Variants in FGFR1 observed in about 807,000 individuals in gnomAD.
The protein encoded by FGFR1 is FGFR1/PLAG1 fusion.
FGFR1 carries 18 observed loss-of-function variants against 93.7 expected under a neutral mutation model. The observed-to-expected ratio is 0.19, with a 90% CI of 0.13 to 0.28. The LOEUF is 0.28. Ranked by LOEUF, FGFR1 falls within the 10% of genes least tolerant of loss-of-function variation. The probability of loss-of-function intolerance (pLI) is 1.00; values close to 1 mark genes in which losing one functional copy is unlikely to be tolerated. For synonymous variants in FGFR1, 448 were observed against 429.3 expected, an observed-to-expected ratio of 1.04 and a Z score of -0.54; for missense variants, 731 against 1,080.4, an observed-to-expected ratio of 0.68 and a Z score of 4.53.
intron 2 of FGFR1, among the ~76,000 whole-genome samples, chr8:38,454,856 C>G (rs1832280121): frequency 6.6e-6 from 1 of 152,174 alleles, no homozygotes; most frequent in Admixed American, 6.6e-5. Context: ...TCTTTCCTCC[C>G]AGCCATCCAC....
chr8:38,416,142 C>G (rs996794077), intron 12 of FGFR1, 82 bp from the exon 13 acceptor site: 1 of 1,263,530 alleles, frequency 7.9e-7, no homozygotes, highest in Non-Finnish European at 1.1e-6. Context: ...CCACCCCCAG[C>G]AGCACACCCC....
rs370696584 is a variant in FGFR1, at chr8:38,431,419, C to T, written c.92-1471G>A. 4.7e-4 allele frequency among the ~76,000 whole-genome samples: 72 copies of T among 152,336 alleles called. 1 individual carries two copies. The South Asian group carries it at 0.014, about 30-fold the overall frequency. ...TAAATCCCCAGCACCTACTACGATG[C>T]CTGGCGCCCAGGAGTTGCTCAAGAA... On this transcript the variant is annotated intron_variant, in intron 2 of 17. Coordinates refer to ENST00000447712, the MANE Select transcript of FGFR1 (RefSeq NM_023110.3).
intron 8 of FGFR1, chr8:38,421,584 T>C: frequency 1.6e-6 from 1 of 638,310 alleles, no homozygotes. Flanking sequence ...GGTGTACGGG[T>C]GGGAGGCCTC....
intron 2 of FGFR1, among the ~76,000 whole-genome samples, chr8:38,444,594 G>A (rs1258944243): frequency 7.1e-5 from 8 of 113,308 alleles, no homozygotes; most frequent in African/African-American, 9.8e-5. Flanking sequence ...GTTTTACCAT[G>A]TTGGCCAGGC....
intron 2 of FGFR1, among the ~76,000 whole-genome samples, chr8:38,436,091 C>T (rs149271805): frequency 5.3e-5 from 8 of 152,234 alleles, no homozygotes; most frequent in Non-Finnish European, 8.8e-5. Flanking sequence ...CAGTGCATTG[C>T]GGACTGGGTG....
chr8:38,463,400 G>C (rs948118805), intron 1 of FGFR1: 1 of 196,054 alleles, frequency 5.1e-6, no homozygotes, highest in African/African-American at 2.3e-5. Context: ...CTCCAAATTT[G>C]CAAACCACAT....
chr8:38,465,336 G>C (rs1835269993), intron 1 of FGFR1: 1 of 232,642 alleles, frequency 4.3e-6, no homozygotes, highest in African/African-American at 2.2e-5. Context: ...CTGCAGGCAT[G>C]TTTGGAAAAG....
chr8:38,445,484 A>G (rs1828992346), intron 2 of FGFR1, among the ~76,000 whole-genome samples: 1 of 152,216 alleles, frequency 6.6e-6, no homozygotes, highest in Non-Finnish European at 1.5e-5. Flanking sequence ...CTAAAATTAT[A>G]AAATAAACAT....
intron 2 of FGFR1, among the ~76,000 whole-genome samples, chr8:38,436,438 T>A (rs1206863393): frequency 6.6e-6 from 1 of 151,656 alleles, no homozygotes; most frequent in East Asian, 1.9e-4. Context: ...TAGAATGGAG[T>A]CACCGTTCTC....
chr8:38,428,181 G>A, intron 4 of FGFR1, 88 bp from the exon 5 acceptor site: 1 of 1,576,878 alleles, frequency 6.3e-7, no homozygotes, highest in South Asian at 1.1e-5. Context: ...GGACCTGGAG[G>A]TGTCTTGCCC....
intron 1 of FGFR1, chr8:38,461,353 G>C (rs1035455170): frequency 3.6e-5 from 20 of 552,230 alleles, no homozygotes; most frequent in Non-Finnish European, 5.2e-5. Context: ...TATTCTTTCT[G>C]AGACAGAGTG....
At chr8:38,432,168 A>G (rs938159194) in intron 2 of FGFR1, among the ~76,000 whole-genome samples, 1 of 152,120 alleles carries the variant, frequency 6.6e-6, no homozygotes, top group South Asian at 2.1e-4. Flanking sequence ...TTTCCCCCCA[A>G]GAGAATGCAG....
chr8:38,444,045 C>T (rs1383171948), intron 2 of FGFR1, among the ~76,000 whole-genome samples: 1 of 62,554 alleles, frequency 1.6e-5, no homozygotes, highest in Non-Finnish European at 2.8e-5. Flanking sequence ...AAGAATGAAA[C>T]TGTCTCAAAA....
At position 38,426,613 on chromosome 8, in the gene FGFR1, A is replaced by T. The variant is rs1314914629; in HGVS notation, c.622-368T>A. Among the ~76,000 whole-genome samples, 1 of 152,112 alleles carries T rather than the reference A, an allele frequency of 6.6e-6. No homozygotes were observed. Among genetic ancestry groups the T allele is most frequent in the African/African-American group, 2.4e-5 (1 of 41,436 alleles). On this transcript the variant is annotated intron_variant, in intron 5 of 17. Transcript: ENST00000447712. The surrounding 1 kb of genome is among the most constrained non-coding windows in gnomAD (Gnocchi z 4.1). ...TCCTTGACAGCTCATTTCAAAAACC[A>T]TCTCCTCCAGTCCAGTCTCTGGTCA...
rs2150513638 is a variant in FGFR1, at chr8:38,413,830, A to G, written c.2293-26T>C. 1.2e-6 allele frequency: 2 copies of G among 1,613,832 alleles called. No individual in the cohort carries two copies. Among genetic ancestry groups the G allele is most frequent in the Non-Finnish European group, 8.5e-7 (1 of 1,179,848 alleles). ...CTGTGATGGGCGAGAGGAAGCAGCGATGGGCCGGGCCCCTCCTCCCTGCTC... is the reference window on the plus strand; with the variant it reads ...CTGTGATGGGCGAGAGGAAGCAGCGGTGGGCCGGGCCCCTCCTCCCTGCTC... On this transcript the variant is annotated intron_variant, in intron 17 of 17. Transcript: ENST00000447712. This position sits in a 1 kb window ranked among gnomAD's most constrained non-coding sequence, Gnocchi z 4.2.
intron 2 of FGFR1, among the ~76,000 whole-genome samples, chr8:38,446,024 G>C (rs376857847): frequency 3.9e-5 from 6 of 152,062 alleles, no homozygotes; most frequent in African/African-American, 1.4e-4. Flanking sequence ...ACTTCTGAAG[G>C]GCTGGAGTGC....
rs764971696 is a variant in FGFR1 at position 38,414,645 on chromosome 8, G to A, written c.1978-16C>T. The A allele has an allele frequency of 5.6e-6, 9 of 1,613,670 alleles. No individual in the cohort carries two copies. In the Admixed American group the frequency reaches 1.3e-4, roughly 24 times the overall value. ...GCAGTCGGCCCTGAAAGCAGCACAG[G>A]GGAGGTTGGAGTGGCCCCAGGCAGG... On this transcript the variant is annotated splice_polypyrimidine_tract_variant and intron_variant, in intron 14 of 17. Transcript: ENST00000447712.
Position 38,440,326 on chromosome 8 carries a change from C to A in FGFR1, c.92-10378G>T, listed in dbSNP as rs753205780. The A allele has an allele frequency of 3.7e-6, 6 of 1,604,964 alleles. No individual in the cohort carries two copies. In the South Asian group the frequency reaches 5.6e-5, roughly 15 times the overall value. ...CTTACCTTCGGCTGGCAGGACCCGG[C>A]CAGAGTGCAGAAGCATCTCACCGAA... On this transcript the variant is annotated intron_variant, in intron 2 of 17. Transcript: ENST00000447712.
chr8:38,429,947 G>T lies in FGFR1; in HGVS notation c.93C>A (p.Ala31=). The change falls in exon 3 of 18, where the codon GCC becomes GCA. Residue 31 remains alanine (A), a splice_region_variant and synonymous_variant. Transcript: ENST00000447712. This position sits in a 1 kb window ranked among gnomAD's most constrained non-coding sequence, Gnocchi z 4.4. ...ARPSPTLPEQ[A]QPWGAPVEVE... is the part of the protein sequence containing the mutation. ...CTTCCACAGGGGCTCCCCAGGGCTG[G>T]GCTGCAGCCACCACGGGGCCGGGAA... The T allele has an allele frequency of 1.2e-6, 2 of 1,603,966 alleles. No individual in the cohort carries two copies.
Sources: allele counts gnomAD v4.1 joint callset (sites outside exome capture counted in the v4.1 genomes callset), GRCh38; gene constraint gnomAD v4.1.1; non-coding constraint Gnocchi (gnomAD v3.1); transcripts MANE v1.5; gene names NCBI Gene and HGNC (gene_info 2026-07-23, HGNC 2026-07-21).